Variants in HYDIN observed in about 807,000 individuals in gnomAD.
The protein encoded by HYDIN is HYDIN axonemal central pair apparatus protein.
HYDIN carries 132 observed loss-of-function variants against 403.9 expected under a neutral mutation model. The observed-to-expected ratio is 0.33, with a 90% CI of 0.28 to 0.38. The LOEUF (loss-of-function observed/expected upper bound fraction) is 0.38. Ranked by LOEUF, HYDIN falls within the 10% of genes least tolerant of loss-of-function variation. The pLI, the probability that HYDIN is intolerant of heterozygous loss-of-function variation, is 1.00. For synonymous variants in HYDIN, 1,202 were observed against 1,891.7 expected, an observed-to-expected ratio of 0.64 and a Z score of 9.46; for missense variants, 2,827 against 5,009.5, an observed-to-expected ratio of 0.56 and a Z score of 13.15.
In HYDIN at chr16:71,186,757, T is replaced by C; in HGVS notation, c.135+4A>G. The stretch of plus-strand genomic sequence containing the variant: ...TTTTACATATTAATTCCCGGATACA[T>C]TACCATTCGGTTTACTTCTTCTTCT... On this transcript the variant is annotated splice_donor_region_variant and intron_variant, in intron 2 of 85. Coordinates refer to ENST00000393567, the MANE Select transcript of HYDIN (RefSeq NM_001270974.2). The C allele has an allele frequency of 6.2e-7, 1 of 1,610,180 alleles. No individual in the cohort carries two copies. Among genetic ancestry groups the C allele is most frequent in the Non-Finnish European group, 8.5e-7 (1 of 1,177,592 alleles).
At position 70,985,897 on chromosome 16, in the gene HYDIN, T is replaced by C. The variant is rs370343361; in HGVS notation, c.4195-575A>G. The stretch of plus-strand genomic sequence containing the variant: ...GCATGTTCTCACTCATAGGTGGGAA[T>C]TGAACAATGAGAACACTTGGACACA... On this transcript the variant is annotated intron_variant, in intron 27 of 85. Transcript: ENST00000393567. 9.5e-3 allele frequency among the ~76,000 whole-genome samples: 1,011 copies of C among 106,440 alleles called. 10 individuals are homozygous for C. Among genetic ancestry groups the C allele is most frequent in the Middle Eastern group, 0.034 (7 of 208 alleles). 69.8% of individuals were successfully genotyped at this position (106,440 alleles called of 152,430 possible).
At chr16:71,175,187 C>A (rs2086621213) in intron 5 of HYDIN, among the ~76,000 whole-genome samples, 1 of 151,742 alleles carries the variant, frequency 6.6e-6, no homozygotes, top group Non-Finnish European at 1.5e-5. Flanking sequence ...ACCACCACCA[C>A]TACCACTATC....
At chr16:70,860,981 T>C in intron 69 of HYDIN, 80 bp from the exon 70 acceptor site, 2 of 1,046,828 alleles carry the variant, frequency 1.9e-6, no homozygotes, top group Non-Finnish European at 2.8e-6. Context: ...ATGAATCTTA[T>C]ATCCACCAGA....
chr16:71,214,010 T>C (rs977396914), intron 1 of HYDIN, among the ~76,000 whole-genome samples: 33 of 152,086 alleles, frequency 2.2e-4, no homozygotes, highest in African/African-American at 7.0e-4. Context: ...ATAATATGAA[T>C]ATATAACATT....
At chr16:71,184,294 G>T (rs1459618247) in intron 3 of HYDIN, among the ~76,000 whole-genome samples, 1 of 151,994 alleles carries the variant, frequency 6.6e-6, no homozygotes, top group African/African-American at 2.4e-5. Context: ...AAAAGTAAAG[G>T]ATATAATTTA....
At chr16:70,936,163 C>CG (rs771539500) in intron 44 of HYDIN, 49 bp from the exon 45 acceptor site, 1 of 1,263,558 alleles carries the variant, frequency 7.9e-7, no homozygotes, top group Non-Finnish European at 1.2e-6. Context: ...CCCCATGCCT[C>CG]ACCCCTCTGC....
intron 23 of HYDIN, among the ~76,000 whole-genome samples, chr16:70,999,403 TATC>T (rs2079630042): frequency 6.6e-6 from 1 of 152,034 alleles, no homozygotes; most frequent in East Asian, 1.9e-4. Context: ...CAGCTGACCT[TATC>T]ATCACTATTC....
At chr16:71,016,484 G>A (rs938083066) in intron 23 of HYDIN, among the ~76,000 whole-genome samples, 19 of 149,194 alleles carry the variant, frequency 1.3e-4, no homozygotes, top group Non-Finnish European at 2.4e-4. Context: ...GTGAGGATGC[G>A]GAGAAACTGA....
chr16:70,957,848 G>A (rs1270140809), intron 39 of HYDIN, among the ~76,000 whole-genome samples: 2 of 112,562 alleles, frequency 1.8e-5, no homozygotes, highest in Non-Finnish European at 3.6e-5. Context: ...TGTTGTAATT[G>A]CTCCCGAGTT....
At chr16:71,053,015 C>T (rs2144239377) in intron 18 of HYDIN, among the ~76,000 whole-genome samples, 1 of 151,512 alleles carries the variant, frequency 6.6e-6, no homozygotes, top group Admixed American at 6.6e-5. Context: ...GGGCTAGTAT[C>T]CACAATATAT....
chr16:70,921,151 G>A lies in HYDIN; in HGVS notation c.7225C>T (p.Gln2409Ter). ...TIERKISVRE[Q>*]TMSEKEELNK... is the part of the protein sequence containing the mutation. ...AGCTCTTCCTTCTCAGACATTGTTT[G>A]TTCCCTAACAGATATTTTCCTTTCG... is the stretch of plus-strand genomic sequence containing the variant. Residue 2409 changes from glutamine to a stop codon, truncating the protein, a stop_gained, in exon 46 of 86, where the codon CAA becomes TAA. Transcript: ENST00000393567. LOFTEE classifies it high-confidence loss of function. 6.6e-7 allele frequency: 1 copy of A among 1,511,730 alleles called. No homozygotes were observed. Among genetic ancestry groups the A allele is most frequent in the Non-Finnish European group, 9.0e-7 (1 of 1,111,070 alleles). The allele number at this position is 1,511,730 out of a possible 1,614,324, so 93.6% of individuals were successfully genotyped here.
rs767117552 is a variant in HYDIN at position 70,879,676 on chromosome 16, C to A, written c.10296G>T (p.Thr3432=). The change falls in exon 61 of 86, where the codon ACG becomes ACT. Residue 3432 remains threonine, a synonymous_variant. Transcript: ENST00000393567. ...CIASHSHAFA[T]VSFTPQIMQN... ...GCATGATCTGCGGGGTGAAGGACAC[C>A]GTGGCAAAGGCATGGGAATGACTGG... 9.7e-6 allele frequency: 15 copies of A among 1,543,302 alleles called. No homozygotes were observed. In the South Asian group the frequency reaches 1.7e-4, roughly 17 times the overall value.
At chr16:70,809,333 C>T (rs1010770717) in intron 85 of HYDIN, among the ~76,000 whole-genome samples, 1 of 152,178 alleles carries the variant, frequency 6.6e-6, no homozygotes, top group Non-Finnish European at 1.5e-5. Context: ...ATTTAAAATC[C>T]TTATAGCAAT....
At chr16:70,837,413 A>G (rs551226527) in intron 77 of HYDIN, among the ~76,000 whole-genome samples, 1 of 152,352 alleles carries the variant, frequency 6.6e-6, no homozygotes, top group Non-Finnish European at 1.5e-5. Context: ...TCTCCAAGAA[A>G]AAGAATATTT....
At chr16:71,020,868 C>T (rs1190103751) in intron 21 of HYDIN, among the ~76,000 whole-genome samples, 2 of 147,398 alleles carry the variant, frequency 1.4e-5, no homozygotes, top group Non-Finnish European at 3.0e-5. Flanking sequence ...AGTGGACCTA[C>T]ATAACCCAGA....
At position 71,098,200 on chromosome 16, in the gene HYDIN, TTTC is replaced by T. The variant is rs1434185576; in HGVS notation, c.1328-4268_1328-4266del. ...ACTCTAAACTATAGATAAAACTTTC[TTTC>T]TTTTTTTTTTTTTTTTGAGATGGAG... is the stretch of plus-strand genomic sequence containing the variant. On this transcript the variant is annotated intron_variant, in intron 10 of 85. Coordinates refer to ENST00000393567, the MANE Select transcript of HYDIN (RefSeq NM_001270974.2). Among the ~76,000 whole-genome samples, 11 of 111,110 alleles carry T rather than the reference TTTC, an allele frequency of 9.9e-5. 1 individual carries two copies. Among genetic ancestry groups the T allele is most frequent in the Non-Finnish European group, 1.1e-4 (7 of 63,570 alleles). 72.9% of individuals were successfully genotyped at this position (111,110 alleles called of 152,430 possible). A position where few individuals can be genotyped will look rare whatever the true frequency, so the allele number is the denominator to read the frequency against.
intron 75 of HYDIN, among the ~76,000 whole-genome samples, chr16:70,841,737 C>T (rs569929561): frequency 6.6e-6 from 1 of 152,246 alleles, no homozygotes; most frequent in African/African-American, 2.4e-5. Flanking sequence ...CACCCCCGAC[C>T]TTTCTTCCCG....
chr16:71,182,025 C>T (rs1291961942), intron 3 of HYDIN, among the ~76,000 whole-genome samples: 2 of 152,060 alleles, frequency 1.3e-5, no homozygotes, highest in Admixed American at 1.3e-4. Flanking sequence ...GCAAGTCACA[C>T]TAAGATTTTA....
At chr16:70,891,524 T>TA (rs2041468173) in intron 57 of HYDIN, 122 bp downstream of exon 57, 1 of 390,854 alleles carries the variant, frequency 2.6e-6, no homozygotes, top group Non-Finnish European at 4.6e-6. Flanking sequence ...TTCTAAATCT[T>TA]ACTGATCTCA....
Sources: gnomAD v4.1 joint callset for allele counts (sites outside exome capture counted in the v4.1 genomes callset) on GRCh38, gnomAD v4.1.1 for gene constraint, MANE v1.5 for transcripts, NCBI Gene and HGNC (gene_info 2026-07-23, HGNC 2026-07-21) for gene names.